Variants in ASIC2 observed in about 807,000 individuals in gnomAD.
ASIC2 encodes acid sensing ion channel subunit 2.
A neutral mutation model predicts 57.3 loss-of-function variants in ASIC2; 25 were observed. The ratio of observed to expected loss-of-function variants is 0.44; its 90% CI spans 0.32 to 0.61. The LOEUF (loss-of-function observed/expected upper bound fraction) is 0.61. Ranked by LOEUF, ASIC2 falls within the 20% of genes least tolerant of loss-of-function variation. The pLI, the probability that ASIC2 is intolerant of heterozygous loss-of-function variation, is 0.06. For missense variants in ASIC2, 641 were observed against 738.1 expected (o/e 0.87, Z 1.52); for synonymous variants, 319 against 307.5 (o/e 1.04, Z -0.39).
At chr17:33,579,449 C>A (rs1916805399) in intron 1 of ASIC2, among the ~76,000 whole-genome samples, 1 of 151,946 alleles carries the variant, frequency 6.6e-6, no homozygotes, top group South Asian at 2.1e-4. Context: ...TGCGGGGTAC[C>A]CATCCAGTTT....
chr17:33,721,234 A>AATTC (rs532541221), intron 1 of ASIC2, among the ~76,000 whole-genome samples: 45 of 152,214 alleles, frequency 3.0e-4, no homozygotes, highest in South Asian at 1.9e-3. Flanking sequence ...CTGTTTCCTG[A>AATTC]ATTCATTCAT....
At chr17:33,375,379 G>A (rs925005528) in intron 1 of ASIC2, among the ~76,000 whole-genome samples, 1 of 151,932 alleles carries the variant, frequency 6.6e-6, no homozygotes, top group East Asian at 1.9e-4. Context: ...AGGCAGTGTG[G>A]TGGGGGCAGA....
chr17:33,542,242 G>A (rs2141969925), intron 1 of ASIC2, among the ~76,000 whole-genome samples: 1 of 151,618 alleles, frequency 6.6e-6, no homozygotes. Flanking sequence ...ATGATTTATA[G>A]TCATTTGGGT....
At chr17:33,452,193 AGGT>A (rs1912275847) in intron 1 of ASIC2, among the ~76,000 whole-genome samples, 1 of 152,210 alleles carries the variant, frequency 6.6e-6, no homozygotes, top group African/African-American at 2.4e-5. Context: ...ACCTGCTTAG[AGGT>A]GGTGGAGACT....
chr17:33,856,370 C>T (rs921086625), intron 1 of ASIC2, among the ~76,000 whole-genome samples: 3 of 86,846 alleles, frequency 3.5e-5, no homozygotes, highest in Non-Finnish European at 7.7e-5. Context: ...TGTATGGTAG[C>T]AGTAGCAGTG....
At chr17:33,271,367 T>A (rs1422311030) in intron 1 of ASIC2, among the ~76,000 whole-genome samples, 1 of 152,182 alleles carries the variant, frequency 6.6e-6, no homozygotes, top group Non-Finnish European at 1.5e-5. Flanking sequence ...CCCAATCTCC[T>A]GTCCTGACCT....
At chr17:33,872,200 C>G (rs1371879541) in intron 1 of ASIC2, among the ~76,000 whole-genome samples, 1 of 152,122 alleles carries the variant, frequency 6.6e-6, no homozygotes, top group Non-Finnish European at 1.5e-5. Flanking sequence ...TAAGCCCAGC[C>G]TGAGAATCTT....
At chr17:33,298,779 T>C (rs576142621) in intron 1 of ASIC2, among the ~76,000 whole-genome samples, 26 of 152,352 alleles carry the variant, frequency 1.7e-4, no homozygotes, top group Non-Finnish European at 3.4e-4. Context: ...GAGTTTCTAA[T>C]GATCGCCATT....
intron 1 of ASIC2, among the ~76,000 whole-genome samples, chr17:33,868,413 G>A (rs1021154349): frequency 6.6e-6 from 1 of 152,054 alleles, no homozygotes; most frequent in Non-Finnish European, 1.5e-5. Flanking sequence ...CAAGAATGAA[G>A]TCAGACCCCT....
chr17:33,938,881 T>C (rs1916125752), intron 1 of ASIC2, among the ~76,000 whole-genome samples: 1 of 152,214 alleles, frequency 6.6e-6, no homozygotes, highest in Non-Finnish European at 1.5e-5. Flanking sequence ...ACCTGATCAT[T>C]GGACCATCCC....
chr17:33,680,045 T>C (rs1397834620), intron 1 of ASIC2, among the ~76,000 whole-genome samples: 1 of 152,082 alleles, frequency 6.6e-6, no homozygotes, highest in East Asian at 1.9e-4. Context: ...GTGTTATTGA[T>C]TGATGGGGGA....
chr17:33,475,219 A>G (rs1913180216), intron 1 of ASIC2, among the ~76,000 whole-genome samples: 2 of 152,162 alleles, frequency 1.3e-5, no homozygotes. Context: ...TACAGAGAGT[A>G]AAAATTAGAC....
At position 33,127,807 on chromosome 17, in the gene ASIC2, A is replaced by G. The variant is rs544854580; in HGVS notation, c.709-15740T>C. ...CCTTCCTCCTCCATTCATTTTCCAC[A>G]TGGCAGTCAGGGAGATGTTTTTCAA... On this transcript the variant is annotated intron_variant, in intron 1 of 9. Coordinates refer to ENST00000225823, the MANE Select transcript of ASIC2 (RefSeq NM_183377.2). Among the ~76,000 whole-genome samples the G allele has an allele frequency of 7.8e-4, 118 of 152,174 alleles. 1 individual carries two copies. The highest frequency in any genetic ancestry group is 2.4e-3 in the African/African-American group (100 of 41,528).
chr17:33,043,761 G>A (rs182641284), intron 3 of ASIC2, among the ~76,000 whole-genome samples: 104 of 152,278 alleles, frequency 6.8e-4, no homozygotes, highest in African/African-American at 2.3e-3. Context: ...GCTTGTGAAG[G>A]AGTGTCCCTG....
intron 1 of ASIC2, among the ~76,000 whole-genome samples, chr17:33,167,497 C>T (rs1019884278): frequency 1.3e-5 from 2 of 152,232 alleles, no homozygotes; most frequent in South Asian, 2.1e-4. Flanking sequence ...CACTACCCCC[C>T]ACCCGGTTCC....
chr17:34,051,853 A>G (rs923458882), intron 1 of ASIC2: 1 of 108,476 alleles, frequency 9.2e-6, no homozygotes, highest in African/African-American at 5.3e-5. Context: ...ACACATACAC[A>G]CACACAGAGA....
intron 1 of ASIC2, among the ~76,000 whole-genome samples, chr17:33,441,056 C>A (rs552094361): frequency 6.6e-6 from 1 of 152,040 alleles, no homozygotes; most frequent in Admixed American, 6.6e-5. Context: ...GTAGGCTTGA[C>A]CTCCTGGGCT....
At chr17:33,815,995 A>G (rs11870919) in intron 1 of ASIC2, among the ~76,000 whole-genome samples, 53,200 of 152,064 alleles carry the variant, frequency 0.35, 11,746 homozygotes, top group Non-Finnish European at 0.51. Flanking sequence ...GATGGATGTT[A>G]TTACATAGGG....
intron 1 of ASIC2, among the ~76,000 whole-genome samples, chr17:33,979,878 A>C (rs541150843): frequency 1.2e-4 from 19 of 152,258 alleles, no homozygotes; most frequent in African/African-American, 3.9e-4. Context: ...GTCTCTCTTG[A>C]ATGGAACTCC....
Sources: gnomAD v4.1 joint callset for allele counts (sites outside exome capture counted in the v4.1 genomes callset) on GRCh38, gnomAD v4.1.1 for gene constraint, MANE v1.5 for transcripts, NCBI Gene and HGNC (gene_info 2026-07-23, HGNC 2026-07-21) for gene names.